Variants in TMPRSS4 observed in about 807,000 individuals in gnomAD.
The protein encoded by TMPRSS4 is transmembrane protease serine 4.
A neutral mutation model predicts 56.4 loss-of-function variants in TMPRSS4; 45 were observed. The ratio of observed to expected loss-of-function variants is 0.80; its 90% CI spans 0.63 to 1.02. The LOEUF (loss-of-function observed/expected upper bound fraction) is 1.02. Among genes scored for constraint, TMPRSS4 ranks in the 50% least tolerant of loss-of-function variants. The pLI, the probability that TMPRSS4 is intolerant of heterozygous loss-of-function variation, is 0.00. For synonymous variants in TMPRSS4, 205 were observed against 211.0 expected, an observed-to-expected ratio of 0.97 and a Z score of 0.25; for missense variants, 546 against 556.7, an observed-to-expected ratio of 0.98 and a Z score of 0.19.
intron 1 of TMPRSS4, among the ~76,000 whole-genome samples, chr11:118,086,545 G>T (rs1340205708): frequency 2.0e-5 from 3 of 152,260 alleles, no homozygotes; most frequent in African/African-American, 7.2e-5. Context: ...ATGCCCAGCG[G>T]CATATGGCCT....
At chr11:118,106,210 G>A (rs1488119554) in intron 5 of TMPRSS4, 2 of 152,180 alleles carry the variant, frequency 1.3e-5, no homozygotes, top group Non-Finnish European at 2.9e-5. Flanking sequence ...TAAGATGATA[G>A]GCTCCTGGAA....
At chr11:118,082,184 T>C (rs1630252) in intron 1 of TMPRSS4, among the ~76,000 whole-genome samples, 27,603 of 152,134 alleles carry the variant, frequency 0.18, 2,844 homozygotes, top group East Asian at 0.41. Flanking sequence ...TGTTGTGCTT[T>C]GAGAAGCACT....
chr11:118,116,977 C>T (rs1451580146), intron 11 of TMPRSS4, among the ~76,000 whole-genome samples: 4 of 152,090 alleles, frequency 2.6e-5, no homozygotes, highest in African/African-American at 9.7e-5. Context: ...TCCCAAGGTG[C>T]TGGGATTACA....
At chr11:118,092,342 A>C (rs1256852589) in intron 1 of TMPRSS4, among the ~76,000 whole-genome samples, 2 of 152,206 alleles carry the variant, frequency 1.3e-5, no homozygotes, top group Non-Finnish European at 2.9e-5. Context: ...GCATTCAGGG[A>C]GCAGAGTTTT....
In TMPRSS4 at chr11:118,111,749, A is replaced by T; in HGVS notation, c.592A>T (p.Lys198Ter). Residue 198 changes from lysine (K) to a stop codon, truncating the protein, a stop_gained, in exon 8 of 13, where the codon AAG becomes TAG. Transcript: ENST00000437212. LOFTEE classifies it high-confidence loss of function. Reference protein sequence around the residue: ...LVSLHCLACGKSLKTPRVVGV... With the variant: ...LVSLHCLACG The stretch of plus-strand genomic sequence containing the variant: ...CCTCTGCCTGTGTCCAGCCTGTGGG[A>T]AGAGCCTGAAGACCCCCCGTGTGGT... The T allele has an allele frequency of 6.3e-7, 1 of 1,574,908 alleles. No homozygotes were observed. Among genetic ancestry groups the T allele is most frequent in the Non-Finnish European group, 8.6e-7 (1 of 1,163,884 alleles).
In TMPRSS4 at chr11:118,119,423, C is replaced by T; in HGVS notation, c.*1510C>T. The T allele has an allele frequency of 1.1e-6, 1 of 924,032 alleles. No homozygotes were observed. Among genetic ancestry groups the T allele is most frequent in the Non-Finnish European group, 1.3e-6 (1 of 774,256 alleles). The allele number at this position is 924,032 out of a possible 1,614,324, so 57.2% of individuals were successfully genotyped here. ...CCCAAAGATCCTCCAAATATGAGCTCACAATCAAAGATCAGAGACGTTGAA... is the reference window on the plus strand; with the variant it reads ...CCCAAAGATCCTCCAAATATGAGCTTACAATCAAAGATCAGAGACGTTGAA... On this transcript the variant is annotated 3_prime_UTR_variant, in exon 13 of 13. Transcript: ENST00000437212.
chr11:118,117,603 G>A, intron 12 of TMPRSS4, 149 bp downstream of exon 12: 5 of 1,472,320 alleles, frequency 3.4e-6, no homozygotes. Flanking sequence ...GCCTGAGATT[G>A]CACTATTAAG....
chr11:118,096,924 G>A (rs200681175), intron 2 of TMPRSS4, among the ~76,000 whole-genome samples: 307 of 7,820 alleles, frequency 0.039, 42 homozygotes, highest in Non-Finnish European at 0.067. Context: ...AGAGAGAAAG[G>A]AAAGAAAGAA....
chr11:118,079,505 A>G (rs140280913), intron 1 of TMPRSS4, among the ~76,000 whole-genome samples: 154 of 152,320 alleles, frequency 1.0e-3, no homozygotes, highest in African/African-American at 3.5e-3. Flanking sequence ...GTCCCATGCT[A>G]ACTACTCCAT....
At chr11:118,077,628 G>A (rs888579982) in intron 1 of TMPRSS4, among the ~76,000 whole-genome samples, 13 of 152,172 alleles carry the variant, frequency 8.5e-5, no homozygotes, top group African/African-American at 2.4e-4. Flanking sequence ...TTGGTTAGAG[G>A]TTGGCACTAT....
intron 2 of TMPRSS4, among the ~76,000 whole-genome samples, chr11:118,097,863 TG>T (rs1379423265): frequency 4.6e-5 from 7 of 152,162 alleles, no homozygotes; most frequent in Admixed American, 1.3e-4. Context: ...CTCCGTCTCC[TG>T]GGTTCAAGTG....
Position 118,111,350 on chromosome 11 carries a change from T to C in TMPRSS4, c.584-391T>C, listed in dbSNP as rs142905908. Among the ~76,000 whole-genome samples the C allele has an allele frequency of 9.1e-4, 138 of 152,266 alleles. No homozygotes were observed. The Middle Eastern group carries it at 0.01, about 11-fold the overall frequency. ...GTCCACTTCCGAGTCACAAAATAGCTTGTGGGTGTCTGTTTACTGTTACTC... is the reference window on the plus strand; with the variant it reads ...GTCCACTTCCGAGTCACAAAATAGCCTGTGGGTGTCTGTTTACTGTTACTC... On this transcript the variant is annotated intron_variant, in intron 7 of 12. Transcript: ENST00000437212.
At chr11:118,083,077 C>T (rs933201327) in intron 1 of TMPRSS4, among the ~76,000 whole-genome samples, 3 of 152,164 alleles carry the variant, frequency 2.0e-5, no homozygotes, top group Non-Finnish European at 2.9e-5. Context: ...CTGCGGGGCT[C>T]GGTCGAATCC....
downstream of TMPRSS4, among the ~76,000 whole-genome samples, chr11:118,124,388 A>AAAAAC (rs199865357): frequency 8.7e-4 from 133 of 152,278 alleles, no homozygotes; most frequent in Non-Finnish European, 1.4e-3. Flanking sequence ...CATCTCAACA[A>AAAAAC]AAAACAAAAC....
intron 3 of TMPRSS4, among the ~76,000 whole-genome samples, chr11:118,099,585 G>A (rs1487897161): frequency 6.6e-6 from 1 of 152,134 alleles, no homozygotes. Context: ...TGTTCCAGAC[G>A]GCTTCTATCC....
At chr11:118,099,159 C>A in intron 3 of TMPRSS4, 61 bp downstream of exon 3, 1 of 1,366,788 alleles carries the variant, frequency 7.3e-7, no homozygotes, top group Non-Finnish European at 1.0e-6. Flanking sequence ...CCAACCCCCA[C>A]CCCCGCACTC....
At chr11:118,091,246 T>C (rs918776724) in intron 1 of TMPRSS4, among the ~76,000 whole-genome samples, 2 of 152,190 alleles carry the variant, frequency 1.3e-5, no homozygotes, top group Non-Finnish European at 2.9e-5. Flanking sequence ...TCCTCTCTCC[T>C]TATGCCCTTG....
chr11:118,117,898 C>T lies in TMPRSS4; in HGVS notation c.1303-4C>T, dbSNP rs552968159. 30 of 1,613,714 alleles carry T rather than the reference C, an allele frequency of 1.9e-5. No homozygotes were observed. The South Asian group carries it at 3.1e-4, about 17-fold the overall frequency. ...TTTCTCTTCATCGGTCTCTCTTATTCTAGGCTGAGCTGTAATGCTGCTGCC... is the reference window on the plus strand; with the variant it reads ...TTTCTCTTCATCGGTCTCTCTTATTTTAGGCTGAGCTGTAATGCTGCTGCC... On this transcript the variant is annotated splice_polypyrimidine_tract_variant and splice_region_variant and intron_variant, in intron 12 of 12. Coordinates refer to ENST00000437212, the MANE Select transcript of TMPRSS4 (RefSeq NM_019894.4).
In TMPRSS4 at chr11:118,115,270, A is replaced by T. The variant is rs1359554977; in HGVS notation, c.1142A>T (p.Asp381Val). 6.8e-6 allele frequency: 11 copies of T among 1,612,302 alleles called. No individual in the cohort carries two copies. The highest frequency in any genetic ancestry group is 8.5e-6 in the Non-Finnish European group (10 of 1,179,816). ...GCAGGCATCCCGGAAGGGGGTGTGG[A>T]CACCTGCCAGGTGGGGCCTCCAAGA... ...MCAGIPEGGVDTCQGDSGGPL... is the reference protein window; with the variant it reads ...MCAGIPEGGVVTCQGDSGGPL... Residue 381 changes from aspartate (D) to valine (V), a missense_variant, in exon 11 of 13, where the codon GAC becomes GTC. Asp to Val is a radical substitution (Grantham distance 152). Coordinates refer to ENST00000437212, the MANE Select transcript of TMPRSS4 (RefSeq NM_019894.4).
Sources: allele counts gnomAD v4.1 joint callset (sites outside exome capture counted in the v4.1 genomes callset), GRCh38; gene constraint gnomAD v4.1.1; transcripts MANE v1.5; gene names NCBI Gene and HGNC (gene_info 2026-07-23, HGNC 2026-07-21).